The following CFAP69 variants were observed in gnomAD, a reference collection of about 807,000 sequenced individuals.
CFAP69 encodes cilia- and flagella-associated protein 69.
CFAP69 carries 92 observed loss-of-function variants against 123.0 expected under a neutral mutation model. That is an observed-to-expected ratio of 0.75 (90% confidence interval 0.63 to 0.89). The LOEUF is 0.89. Ranked by LOEUF, CFAP69 falls within the 40% of genes least tolerant of loss-of-function variation. The pLI is 0.00. For missense variants in CFAP69, 1,067 were observed against 1,096.9 expected, an observed-to-expected ratio of 0.97 and a Z score of 0.39; for synonymous variants, 380 against 364.3, an observed-to-expected ratio of 1.04 and a Z score of -0.49.
At chr7:90,247,828 A>G (rs560786566) in intron 1 of CFAP69, among the ~76,000 whole-genome samples, 2 of 152,228 alleles carry the variant, frequency 1.3e-5, no homozygotes, top group African/African-American at 2.4e-5. Flanking sequence ...CTGGCGACAG[A>G]GTGAGCCTCC....
intron 15 of CFAP69, among the ~76,000 whole-genome samples, chr7:90,294,789 C>T (rs1452779800): frequency 1.3e-5 from 2 of 152,138 alleles, no homozygotes; most frequent in Non-Finnish European, 2.9e-5. Context: ...AGATTGGCTA[C>T]AGGTTAAGAT....
intron 1 of CFAP69, 47 bp downstream of exon 1, chr7:90,245,591 AAGTCTCG>A: frequency 7.0e-7 from 1 of 1,433,364 alleles, no homozygotes. Flanking sequence ...GGTGGGAGTG[AAGTCTCG>A]AGACGGGGTC....
At chr7:90,315,086 T>C (rs549129615), downstream of CFAP69, among the ~76,000 whole-genome samples, 104 of 147,632 alleles carry the variant, frequency 7.0e-4, no homozygotes, top group Non-Finnish European at 3.2e-4. Flanking sequence ...ATGACTGTTA[T>C]TAAAAAGTCA....
Position 90,310,069 on chromosome 7 carries a change from T to TGCC in CFAP69, c.2658_2660dup (p.Pro887dup). On this transcript the variant is annotated inframe_insertion and splice_region_variant, in exon 23 of 23. Transcript: ENST00000389297. ...GATATTTACCTTTTGCCTTTTTAGG[T>TGCC]GCCCTCTGGTGGAGTAGTAACAGTG... is the stretch of plus-strand genomic sequence containing the variant. 7 of 1,603,046 alleles carry TGCC rather than the reference T, an allele frequency of 4.4e-6. No individual in the cohort carries two copies. Among genetic ancestry groups the TGCC allele is most frequent in the African/African-American group, 2.7e-5 (2 of 74,656 alleles).
At chr7:90,273,179 C>A (rs911247437) in intron 8 of CFAP69, among the ~76,000 whole-genome samples, 1 of 152,120 alleles carries the variant, frequency 6.6e-6, no homozygotes, top group African/African-American at 2.4e-5. Context: ...AAAAGTTTTG[C>A]ATGCGGAGAG....
At chr7:90,245,620 G>A (rs1451694158) in intron 1 of CFAP69, 76 bp downstream of exon 1, 4 of 1,416,528 alleles carry the variant, frequency 2.8e-6, no homozygotes, top group Admixed American at 5.9e-5. Context: ...AGACCTGGGG[G>A]TGGCAAGGGT....
At position 90,274,014 on chromosome 7, in the gene CFAP69, G is replaced by C. The variant is rs762608119; in HGVS notation, c.888G>C (p.Leu296=). 6.9e-6 allele frequency: 11 copies of C among 1,603,662 alleles called. No individual in the cohort carries two copies. In the South Asian group the frequency reaches 1.1e-4, roughly 16 times the overall value. The change falls in exon 9 of 23, where the codon CTG becomes CTC. Residue 296 remains leucine (L), a synonymous_variant. Coordinates refer to ENST00000389297, the MANE Select transcript of CFAP69 (RefSeq NM_001039706.3). ...LLALKEVFKN[L]FMRGFSHYDR... is the part of the protein sequence containing the mutation. ...CTTTGAAGGAAGTATTTAAAAATCTGTTTATGAGAGGTTTCAGTCATTATG... is the reference window on the plus strand; with the variant it reads ...CTTTGAAGGAAGTATTTAAAAATCTCTTTATGAGAGGTTTCAGTCATTATG...
intron 11 of CFAP69, 150 bp downstream of exon 11, chr7:90,277,484 A>G (rs1788790825): frequency 3.3e-6 from 2 of 613,780 alleles, no homozygotes; most frequent in South Asian, 4.6e-5. Context: ...TAGCTTTTAA[A>G]TTTTTTCTTT....
Position 90,309,327 on chromosome 7 carries a change from C to T in CFAP69, c.2615C>T (p.Ala872Val). The T allele has an allele frequency of 6.3e-7, 1 of 1,588,536 alleles. No individual in the cohort carries two copies. Among genetic ancestry groups the T allele is most frequent in the South Asian group, 1.2e-5 (1 of 85,884 alleles). ...AGATACCATAAACGACCACAAAATGCAATATTTCACCAAACACATATTAAA... is the reference window on the plus strand; with the variant it reads ...AGATACCATAAACGACCACAAAATGTAATATTTCACCAAACACATATTAAA... ...ASRYHKRPQN[A>V]IFHQTHIKGL... Residue 872 changes from alanine to valine, a missense_variant, in exon 22 of 23, where the codon GCA becomes GTA. Transcript: ENST00000389297.
At chr7:90,316,162 C>T in the CFAP69 span, among the ~76,000 whole-genome samples, 1 of 152,124 alleles carries the variant, frequency 6.6e-6, no homozygotes, top group African/African-American at 2.4e-5. Flanking sequence ...ATTATTATCC[C>T]TTGTATCATC....
In CFAP69 at chr7:90,262,002, T is replaced by TA; in HGVS notation, c.308dup (p.Asn103LysfsTer11). 6.2e-7 allele frequency: 1 copy of TA among 1,605,014 alleles called. No individual in the cohort carries two copies. The highest frequency in any genetic ancestry group is 1.7e-5 in the Admixed American group (1 of 58,320). On this transcript the variant is annotated frameshift_variant, in exon 4 of 23. Coordinates refer to ENST00000389297, the MANE Select transcript of CFAP69 (RefSeq NM_001039706.3). LOFTEE classifies it high-confidence loss of function. ...ATTCTGAATCTGTGTTCAGGAAAAA[T>TA]AAAAAACCAGCCTCGTTTTATAGAA...
In CFAP69 at chr7:90,268,400, G is replaced by A; in HGVS notation, c.532+16G>A. The stretch of plus-strand genomic sequence containing the variant: ...CATATTCCAGGTGAAGTTTACAATG[G>A]TCTTTCAGTGATAACTTGTGTATGT... On this transcript the variant is annotated intron_variant, in intron 6 of 22. Transcript: ENST00000389297. The A allele has an allele frequency of 6.5e-7, 1 of 1,527,690 alleles. No individual in the cohort carries two copies. Among genetic ancestry groups the A allele is most frequent in the Admixed American group, 1.7e-5 (1 of 58,294 alleles). 94.6% of individuals were successfully genotyped at this position (1,527,690 alleles called of 1,614,324 possible). A position where few individuals can be genotyped will look rare whatever the true frequency, so the allele number is the denominator to read the frequency against.
chr7:90,314,343 G>A (rs17865303), downstream of CFAP69, among the ~76,000 whole-genome samples: 2,917 of 152,256 alleles, frequency 0.019, 81 homozygotes, highest in African/African-American at 0.066. Context: ...TAAACATGGG[G>A]CCAGGCACAG....
chr7:90,315,573 C>T (rs1035527432), downstream of CFAP69, among the ~76,000 whole-genome samples: 4 of 151,902 alleles, frequency 2.6e-5, no homozygotes, highest in Non-Finnish European at 2.9e-5. Context: ...ACACAAAATG[C>T]GGAACAACAG....
chr7:90,275,028 A>G (rs562491401), intron 9 of CFAP69, among the ~76,000 whole-genome samples: 10 of 152,068 alleles, frequency 6.6e-5, no homozygotes, highest in African/African-American at 2.2e-4. Context: ...TTTTCTCTCT[A>G]TTCTTCAGGT....
intron 8 of CFAP69, among the ~76,000 whole-genome samples, chr7:90,273,609 G>A (rs968419087): frequency 5.9e-5 from 9 of 152,270 alleles, no homozygotes; most frequent in Non-Finnish European, 1.3e-4. Flanking sequence ...TCATAAAAGT[G>A]TGTGTTTTAG....
the CFAP69 span, chr7:90,319,179 G>A: frequency 2.6e-5 from 10 of 389,920 alleles, no homozygotes; most frequent in Non-Finnish European, 4.5e-5. Flanking sequence ...GAGCTTGTGT[G>A]GTTTGTAAAT....
At chr7:90,308,374 T>C (rs1193711952) in intron 21 of CFAP69, among the ~76,000 whole-genome samples, 3 of 152,182 alleles carry the variant, frequency 2.0e-5, no homozygotes, top group Non-Finnish European at 4.4e-5. Context: ...AAAAAATGTA[T>C]AGTGCTAATC....
rs1349508010 is a variant in CFAP69 at position 90,310,144 on chromosome 7, T to A, written c.2732T>A (p.Ile911Asn). Residue 911 changes from isoleucine (I) to asparagine (N), a missense_variant, in exon 23 of 23, where the codon ATT becomes AAT. Transcript: ENST00000389297. ...LVGGPLVDTD[I>N]ALKKLPIRGG... ...GGAGGACCTCTGGTTGATACGGATA[T>A]TGCTCTTAAAAAACTGCCCATTCGA... The A allele has an allele frequency of 6.2e-7, 1 of 1,613,870 alleles. No individual in the cohort carries two copies.
Sources: gnomAD v4.1 joint callset for allele counts (sites outside exome capture counted in the v4.1 genomes callset) on GRCh38, gnomAD v4.1.1 for gene constraint, MANE v1.5 for transcripts, NCBI Gene and HGNC (gene_info 2026-07-23, HGNC 2026-07-21) for gene names.